The following CSNK1G1 variants were observed in gnomAD, a reference collection of about 807,000 sequenced individuals.
CSNK1G1 encodes the protein casein kinase I isoform gamma-1.
CSNK1G1 carries 22 observed loss-of-function variants against 59.6 expected under a neutral mutation model. The observed-to-expected ratio is 0.37, with a 90% CI of 0.26 to 0.53. The LOEUF is 0.53. Ranked by LOEUF, CSNK1G1 falls within the 20% of genes least tolerant of loss-of-function variation. CSNK1G1 has a pLI of 0.89. For synonymous variants in CSNK1G1, 179 were observed against 177.1 expected (o/e 1.01, Z -0.08); for missense variants, 384 against 519.5 (o/e 0.74, Z 2.54).
chr15:64,278,884 G>C (rs188941365), intron 2 of CSNK1G1, among the ~76,000 whole-genome samples: 118 of 152,180 alleles, frequency 7.8e-4, no homozygotes, highest in African/African-American at 2.7e-3. Flanking sequence ...AAGGAGCAAC[G>C]TTAACCTATG....
intron 2 of CSNK1G1, among the ~76,000 whole-genome samples, chr15:64,281,116 T>A (rs146146549): frequency 0.048 from 7,246 of 152,220 alleles, 181 homozygotes; most frequent in South Asian, 0.078. Context: ...CCTGACCTCA[T>A]GATCCGCCTG....
At chr15:64,198,350 C>CAA (rs2082063245) in intron 10 of CSNK1G1, among the ~76,000 whole-genome samples, 1 of 151,762 alleles carries the variant, frequency 6.6e-6, no homozygotes, top group African/African-American at 2.4e-5. Flanking sequence ...AGATTACAGG[C>CAA]GCCCACCACC....
At chr15:64,342,479 C>T (rs1439101867) in intron 1 of CSNK1G1, 1 of 152,250 alleles carries the variant, frequency 6.6e-6, no homozygotes, top group Non-Finnish European at 1.5e-5. Context: ...ATTTCCTCAA[C>T]CAGCCCACTT....
intron 2 of CSNK1G1, among the ~76,000 whole-genome samples, chr15:64,268,019 T>C (rs568127194): frequency 1.3e-5 from 2 of 152,128 alleles, no homozygotes; most frequent in African/African-American, 4.8e-5. Flanking sequence ...GAAACCAGTA[T>C]GCCAAAAAGA....
Position 64,349,142 on chromosome 15 carries a change from A to C in CSNK1G1, c.-225+6846T>G, listed in dbSNP as rs191672188. On this transcript the variant is annotated intron_variant, in intron 1 of 11. Coordinates refer to ENST00000303052, the MANE Select transcript of CSNK1G1 (RefSeq NM_022048.5). ...ACGAGAGCGAAACTCCACCTCAAAA[A>C]AAAAAAAAAAAAAGTATCAAGACAG... is the stretch of plus-strand genomic sequence containing the variant. Among the ~76,000 whole-genome samples, 162 of 151,976 alleles carry C rather than the reference A, an allele frequency of 1.1e-3. 1 individual carries two copies. In the East Asian group the frequency reaches 0.028, roughly 27 times the overall value.
chr15:64,282,581 G>A (rs72756980), intron 2 of CSNK1G1, among the ~76,000 whole-genome samples: 6,729 of 152,190 alleles, frequency 0.044, 196 homozygotes, highest in South Asian at 0.085. Context: ...TTTGTTACTG[G>A]ATCTGTTCAT....
At chr15:64,217,710 G>A (rs1335158022) in intron 4 of CSNK1G1, among the ~76,000 whole-genome samples, 1 of 151,920 alleles carries the variant, frequency 6.6e-6, no homozygotes, top group Non-Finnish European at 1.5e-5. Flanking sequence ...CAGCTACTCA[G>A]GAGGCTGAGA....
intron 3 of CSNK1G1, among the ~76,000 whole-genome samples, chr15:64,258,945 G>C (rs1202345752): frequency 1.3e-5 from 2 of 151,842 alleles, no homozygotes; most frequent in Non-Finnish European, 2.9e-5. Context: ...AGTTCTTCCA[G>C]CTTTTTTTAA....
chr15:64,332,581 G>A (rs942446098), intron 1 of CSNK1G1, among the ~76,000 whole-genome samples: 35 of 145,926 alleles, frequency 2.4e-4, no homozygotes, highest in African/African-American at 3.3e-4. Flanking sequence ...GCTAGATGAC[G>A]AGTTAGTGGG....
chr15:64,205,951 T>G (rs991664428), intron 7 of CSNK1G1, among the ~76,000 whole-genome samples: 1 of 152,044 alleles, frequency 6.6e-6, no homozygotes, highest in Non-Finnish European at 1.5e-5. Context: ...GGTGTAGGAG[T>G]ACCCCAAACT....
At chr15:64,196,239 G>A (rs1006509438) in intron 10 of CSNK1G1, among the ~76,000 whole-genome samples, 1 of 151,912 alleles carries the variant, frequency 6.6e-6, no homozygotes, top group Non-Finnish European at 1.5e-5. Flanking sequence ...AGAAGTGCTT[G>A]GAATAAAGAT....
rs1005925369 is a variant in CSNK1G1, at chr15:64,216,137, A to G, written c.444+425T>C. ...CTGCTGGAGAGGCTGAGGCAGGAGA[A>G]TCACTTGAGCCTAGGAGTTTGAGGT... On this transcript the variant is annotated intron_variant, in intron 5 of 11. Coordinates refer to ENST00000303052, the MANE Select transcript of CSNK1G1 (RefSeq NM_022048.5). This position sits in a 1 kb window ranked among gnomAD's most constrained non-coding sequence, Gnocchi z 4.6. 3.3e-5 allele frequency among the ~76,000 whole-genome samples: 5 copies of G among 152,058 alleles called. No individual in the cohort carries two copies. The highest frequency in any genetic ancestry group is 3.3e-4 in the Admixed American group (5 of 15,262).
chr15:64,252,844 G>A (rs1251121509), intron 3 of CSNK1G1, among the ~76,000 whole-genome samples: 6 of 152,090 alleles, frequency 3.9e-5, no homozygotes, highest in Admixed American at 3.3e-4. Flanking sequence ...ATTCTAAACT[G>A]ACAGTGTACT....
At chr15:64,343,757 G>C (rs1257839982) in intron 1 of CSNK1G1, among the ~76,000 whole-genome samples, 1 of 150,028 alleles carries the variant, frequency 6.7e-6, no homozygotes, top group Non-Finnish European at 1.5e-5. Context: ...CTAGAGCTGC[G>C]GTAATATAGA....
intron 1 of CSNK1G1, among the ~76,000 whole-genome samples, chr15:64,316,195 G>T (rs1896254006): frequency 7.7e-6 from 1 of 129,316 alleles, no homozygotes; most frequent in African/African-American, 2.9e-5. Context: ...ACTCAGTTTT[G>T]CTTTTTAAAA....
intron 4 of CSNK1G1, among the ~76,000 whole-genome samples, chr15:64,244,596 A>G (rs1350399351): frequency 6.6e-6 from 1 of 152,120 alleles, no homozygotes; most frequent in Non-Finnish European, 1.5e-5. Context: ...AAAAGAACAA[A>G]GCAAGGCCAG....
intron 4 of CSNK1G1, among the ~76,000 whole-genome samples, chr15:64,237,498 C>A (rs60543062): frequency 1.4e-3 from 220 of 152,278 alleles, no homozygotes; most frequent in African/African-American, 5.1e-3. Flanking sequence ...TCCTAGAGGA[C>A]AACTAAGTTC....
intron 1 of CSNK1G1, among the ~76,000 whole-genome samples, chr15:64,349,927 A>T (rs1566957543): frequency 6.6e-6 from 1 of 151,838 alleles, no homozygotes; most frequent in African/African-American, 2.4e-5. Flanking sequence ...TAAAAAAAAA[A>T]AAAAAATTAA....
intron 1 of CSNK1G1, among the ~76,000 whole-genome samples, chr15:64,353,116 C>T (rs917366540): frequency 2.0e-5 from 3 of 151,962 alleles, no homozygotes; most frequent in African/African-American, 7.2e-5. Flanking sequence ...AAATTTCTCA[C>T]AAATTTACAC....
Sources: allele counts gnomAD v4.1 joint callset (sites outside exome capture counted in the v4.1 genomes callset), GRCh38; gene constraint gnomAD v4.1.1; non-coding constraint Gnocchi (gnomAD v3.1); transcripts MANE v1.5; gene names NCBI Gene and HGNC (gene_info 2026-07-23, HGNC 2026-07-21).